The following SPTBN2 variants were observed in gnomAD, a reference collection of about 807,000 sequenced individuals.
SPTBN2 encodes the protein spectrin beta, non-erythrocytic 2, also known as spectrin beta chain, non-erythrocytic 2.
A neutral mutation model predicts 284.2 loss-of-function variants in SPTBN2; 107 were observed. That is an observed-to-expected ratio of 0.38 (90% CI 0.32 to 0.44). SPTBN2 has a LOEUF of 0.44. Ranked by LOEUF, SPTBN2 falls within the 20% of genes least tolerant of loss-of-function variation. The pLI is 1.00. For missense variants in SPTBN2, 2,569 were observed against 3,287.1 expected (o/e 0.78, Z 5.34); for synonymous variants, 1,289 against 1,354.8 (o/e 0.95, Z 1.07).
Position 66,688,692 on chromosome 11 carries a change from G to A in SPTBN2, c.6192C>T (p.Ala2064=), listed in dbSNP as rs1940322038. ...CCAGCGCACAGAATCGCTCCTCCCA[G>A]GCCACTGCTGACTTCTGGAAGGCCT... ...RHEAFQKSAV[A]WEERFCALEK... is the part of the protein sequence containing the mutation. Residue 2064 remains alanine (A), a synonymous_variant, in exon 31 of 38, where the codon GCC becomes GCT. Coordinates refer to ENST00000533211, the MANE Select transcript of SPTBN2 (RefSeq NM_006946.4). 3 of 1,613,846 alleles carry A rather than the reference G, an allele frequency of 1.9e-6. No homozygotes were observed. The highest frequency in any genetic ancestry group is 2.2e-5 in the South Asian group (2 of 91,092).
In SPTBN2 at chr11:66,708,800, G is replaced by T; in HGVS notation, c.1191+102C>A. 1 of 936,796 alleles carries T rather than the reference G, an allele frequency of 1.1e-6. No individual in the cohort carries two copies. Among genetic ancestry groups the T allele is most frequent in the Non-Finnish European group, 1.7e-6 (1 of 585,578 alleles). 58.0% of individuals were successfully genotyped at this position (936,796 alleles called of 1,614,324 possible). On this transcript the variant is annotated intron_variant, in intron 11 of 37. Transcript: ENST00000533211. The surrounding 1 kb of genome is among the most constrained non-coding windows in gnomAD (Gnocchi z 4.4). ...TTTCAAGTTGGGGCAGCAGATAGTA[G>T]AACTTGGTGAAGGTCGACATGGCCC...
intron 26 of SPTBN2, among the ~76,000 whole-genome samples, 185 bp downstream of exon 26, chr11:66,692,351 A>G (rs1047787025): frequency 2.0e-5 from 3 of 152,164 alleles, no homozygotes; most frequent in Admixed American, 2.0e-4. Context: ...TGCTAGGATT[A>G]CAGGTGTGAG....
intron 1 of SPTBN2, among the ~76,000 whole-genome samples, chr11:66,722,050 C>T (rs756747319): frequency 7.9e-5 from 12 of 151,880 alleles, no homozygotes; most frequent in South Asian, 2.1e-4. Flanking sequence ...AGTTATGATA[C>T]GCCAGGAAGA....
intron 1 of SPTBN2, among the ~76,000 whole-genome samples, chr11:66,736,720 T>G (rs1942852931): frequency 6.6e-6 from 1 of 152,234 alleles, no homozygotes; most frequent in South Asian, 2.1e-4. Context: ...GTTCCTCAGT[T>G]GAATTGCACT....
In SPTBN2 at chr11:66,688,866, T is replaced by C; in HGVS notation, c.6035-17A>G. On this transcript the variant is annotated splice_polypyrimidine_tract_variant and intron_variant, in intron 30 of 37. Transcript: ENST00000533211. The stretch of plus-strand genomic sequence containing the variant: ...CCTCCAAAACTGGCAGGATCGGGGG[T>C]TGCAGGAAGATGGTGGGTCAGAGTG... 1 of 1,609,664 alleles carries C rather than the reference T, an allele frequency of 6.2e-7. No homozygotes were observed. The highest frequency in any genetic ancestry group is 1.3e-5 in the African/African-American group (1 of 74,862).
upstream of SPTBN2, among the ~76,000 whole-genome samples, chr11:66,733,250 C>T (rs767183866): frequency 6.6e-6 from 1 of 152,144 alleles, no homozygotes; most frequent in Non-Finnish European, 1.5e-5. Context: ...GAATAGGTTA[C>T]TCCAGTTGCT....
At chr11:66,689,996 C>G (rs1940428914) in intron 28 of SPTBN2, 43 bp downstream of exon 28, 1 of 1,614,220 alleles carries the variant, frequency 6.2e-7, no homozygotes, top group Non-Finnish European at 8.5e-7. Flanking sequence ...CATCACAGCC[C>G]AGCCACACAA....
At position 66,705,157 on chromosome 11, in the gene SPTBN2, A is replaced by G. The variant is rs1268427700; in HGVS notation, c.2119T>C (p.Leu707=). 6.5e-6 allele frequency: 10 copies of G among 1,535,808 alleles called. No individual in the cohort carries two copies. The East Asian group carries it at 9.8e-5, about 15-fold the overall frequency. Residue 707 remains leucine (L), a synonymous_variant, in exon 15 of 38, where the codon TTG becomes CTG. Transcript: ENST00000533211. ...GCCCCAGGGTGACCCTCGGCCACCA[A>G]CTGCTGGCCCTGCTCCAGGGTGAGC... ...LKLTLEQGQQ[L]VAEGHPGASQ...
In SPTBN2 at chr11:66,710,882, C is replaced by T. The variant is rs1220097560; in HGVS notation, c.885+35G>A. ...CAGTAAGACCCCTCAGCCGGGCCTCCTCTGGCCTTTATGCCTACTGCCCAT... is the reference window on the plus strand; with the variant it reads ...CAGTAAGACCCCTCAGCCGGGCCTCTTCTGGCCTTTATGCCTACTGCCCAT... On this transcript the variant is annotated intron_variant, in intron 9 of 37. Transcript: ENST00000533211. This position sits in a 1 kb window ranked among gnomAD's most constrained non-coding sequence, Gnocchi z 4.9. The T allele has an allele frequency of 1.2e-6, 2 of 1,612,430 alleles. No individual in the cohort carries two copies. Among genetic ancestry groups the T allele is most frequent in the East Asian group, 2.2e-5 (1 of 44,878 alleles).
In SPTBN2 at chr11:66,704,199, C is replaced by G. The variant is rs927177290; in HGVS notation, c.2678+399G>C. Among the ~76,000 whole-genome samples the G allele has an allele frequency of 3.9e-5, 6 of 152,012 alleles. No individual in the cohort carries two copies. The South Asian group carries it at 1.2e-3, about 31-fold the overall frequency. On this transcript the variant is annotated intron_variant, in intron 15 of 37. Transcript: ENST00000533211. The stretch of plus-strand genomic sequence containing the variant: ...ATGTTAGCCAGGATGGTCTCGACCT[C>G]CTGACCTCGTGATCCGCCTGCCTCG...
At position 66,708,083 on chromosome 11, in the gene SPTBN2, AC is replaced by A. The variant is rs1941661624; in HGVS notation, c.1350+57del. 2.5e-6 allele frequency: 4 copies of A among 1,607,590 alleles called. No individual in the cohort carries two copies. Among genetic ancestry groups the A allele is most frequent in the Non-Finnish European group, 3.4e-6 (4 of 1,176,050 alleles). ...CTCCACCCCGCGGGGCTTCTTATCC[AC>A]CCTGTCTCTCTCCCAGTTCTGACCA... On this transcript the variant is annotated intron_variant, in intron 12 of 37. Transcript: ENST00000533211. The surrounding 1 kb of genome is among the most constrained non-coding windows in gnomAD (Gnocchi z 4.4).
Position 66,686,977 on chromosome 11 carries a change from C to G in SPTBN2, c.6896+17G>C, listed in dbSNP as rs1421565291. ...CAACTCTCCTCCCATCCCGAGAGCA[C>G]TGTTCCCTGTTCCTACCCCAGCTTG... is the stretch of plus-strand genomic sequence containing the variant. On this transcript the variant is annotated intron_variant, in intron 36 of 37. Transcript: ENST00000533211. The G allele has an allele frequency of 1.2e-5, 20 of 1,613,598 alleles. No homozygotes were observed. The highest frequency in any genetic ancestry group is 3.4e-6 in the Non-Finnish European group (4 of 1,180,046).
chr11:66,687,595 C>T lies in SPTBN2; in HGVS notation c.6554G>A (p.Arg2185Gln), dbSNP rs199806599. 2.1e-5 allele frequency: 33 copies of T among 1,609,644 alleles called. No individual in the cohort carries two copies. The highest frequency in any genetic ancestry group is 1.7e-4 in the Middle Eastern group (1 of 5,718). ...TGCAGATGGGGCCGGGCCCCGAGTCCGGGTCTGCCTCTCTCCCCGGGGCCC... is the reference window on the plus strand; with the variant it reads ...TGCAGATGGGGCCGGGCCCCGAGTCTGGGTCTGCCTCTCTCCCCGGGGCCC... ...ANGPRGERQT[R>Q]TRGPAPSAMP... Residue 2185 changes from arginine to glutamine, a missense_variant, in exon 35 of 38, where the codon CGG (arginine) becomes CAG (glutamine). Around this residue, in one of 6 missense-constraint regions of SPTBN2, gnomAD observed 1,130 missense variants for 1,317.3 expected, o/e 0.86. Transcript: ENST00000533211. This position sits in a 1 kb window ranked among gnomAD's most constrained non-coding sequence, Gnocchi z 5.2.
At chr11:66,696,676 GAC>G (rs1464307836) in intron 20 of SPTBN2, 136 bp from the exon 21 acceptor site, 21 of 1,210,148 alleles carry the variant, frequency 1.7e-5, no homozygotes, top group South Asian at 2.5e-5. Flanking sequence ...TGTTCTTATC[GAC>G]ACACTCTTCA....
intron 29 of SPTBN2, 126 bp downstream of exon 29, chr11:66,689,679 T>C (rs1165444462): frequency 1.4e-6 from 2 of 1,426,084 alleles, no homozygotes; most frequent in African/African-American, 1.4e-5. Context: ...AACCCGTGAA[T>C]GGCACTGAGG....
chr11:66,731,255 C>T (rs1387187772), upstream of SPTBN2, among the ~76,000 whole-genome samples: 1 of 152,198 alleles, frequency 6.6e-6, no homozygotes, highest in Non-Finnish European at 1.5e-5. Context: ...CTGAGATCAC[C>T]TATCTCAGCT....
chr11:66,733,984 C>CAAAAAAA (rs60666832), upstream of SPTBN2, among the ~76,000 whole-genome samples: 1 of 75,764 alleles, frequency 1.3e-5, no homozygotes, highest in African/African-American at 4.9e-5. Context: ...GACTCCGTCT[C>CAAAAAAA]AAAAAAAAAA....
intron 37 of SPTBN2, 117 bp downstream of exon 37, chr11:66,686,281 A>G: frequency 6.8e-7 from 1 of 1,466,230 alleles, no homozygotes. Context: ...GCACACATCC[A>G]GTCTTACCAC....
chr11:66,740,278 A>G (rs1245722107), intron 1 of SPTBN2, among the ~76,000 whole-genome samples: 1 of 152,188 alleles, frequency 6.6e-6, no homozygotes, highest in African/African-American at 2.4e-5. Context: ...GGGGGTGAAG[A>G]ACGAAATACT....
Sources: allele counts gnomAD v4.1 joint callset (sites outside exome capture counted in the v4.1 genomes callset), GRCh38; gene constraint gnomAD v4.1.1; regional missense constraint gnomAD v4.1.1; non-coding constraint Gnocchi (gnomAD v3.1); transcripts MANE v1.5; gene names NCBI Gene and HGNC (gene_info 2026-07-23, HGNC 2026-07-21).